AFAP1L2: variants seen among roughly 807,000 people sequenced by gnomAD.
AFAP1L2 encodes the protein actin filament-associated protein 1-like 2.
Under a neutral mutation model 99.3 loss-of-function variants are expected in AFAP1L2, and 46 were observed. The observed-to-expected ratio is 0.46, with a 90% CI of 0.37 to 0.59. AFAP1L2 has a LOEUF of 0.59. Ranked by LOEUF, AFAP1L2 falls within the 20% of genes least tolerant of loss-of-function variation. The pLI is 0.00. For missense variants in AFAP1L2, 959 were observed against 1,034.9 expected, an observed-to-expected ratio of 0.93 and a Z score of 1.01; for synonymous variants, 397 against 419.1, an observed-to-expected ratio of 0.95 and a Z score of 0.64.
chr10:114,383,423 T>C (rs2055998685), intron 1 of AFAP1L2, among the ~76,000 whole-genome samples: 1 of 152,084 alleles, frequency 6.6e-6, no homozygotes, highest in Non-Finnish European at 1.5e-5. Context: ...GGAGCTTTTT[T>C]ATTATCGCAG....
intron 1 of AFAP1L2, among the ~76,000 whole-genome samples, chr10:114,381,764 CT>C (rs2055646919): frequency 6.6e-6 from 1 of 151,946 alleles, no homozygotes; most frequent in Admixed American, 6.6e-5. Context: ...ATCTTTGCAA[CT>C]CATACTTAAA....
intron 4 of AFAP1L2, among the ~76,000 whole-genome samples, chr10:114,327,772 T>C (rs1423954074): frequency 6.6e-6 from 1 of 152,170 alleles, no homozygotes; most frequent in Non-Finnish European, 1.5e-5. Context: ...GCCAGTGAGC[T>C]ACAGTTTGCC....
chr10:114,367,855 CAG>C (rs2053516173), intron 1 of AFAP1L2, among the ~76,000 whole-genome samples: 1 of 152,204 alleles, frequency 6.6e-6, no homozygotes, highest in Non-Finnish European at 1.5e-5. Flanking sequence ...TTAATACAAA[CAG>C]AAAGTTTGCT....
chr10:114,299,618 T>G (rs2040796891), intron 15 of AFAP1L2, among the ~76,000 whole-genome samples: 3 of 152,240 alleles, frequency 2.0e-5, no homozygotes, highest in Admixed American at 1.3e-4. Context: ...ATATTGAATG[T>G]CAACTTGATT....
At chr10:114,307,274 C>T (rs1422848510) in intron 10 of AFAP1L2, among the ~76,000 whole-genome samples, 4 of 152,062 alleles carry the variant, frequency 2.6e-5, no homozygotes, top group South Asian at 2.1e-4. Flanking sequence ...TGTCCACAAG[C>T]ACCATTCCAG....
chr10:114,368,225 T>G (rs1476158037), intron 1 of AFAP1L2, among the ~76,000 whole-genome samples: 3 of 152,152 alleles, frequency 2.0e-5, no homozygotes, highest in African/African-American at 4.8e-5. Flanking sequence ...ATCTGACTCA[T>G]ATACAGAATC....
intron 6 of AFAP1L2, 79 bp downstream of exon 6, chr10:114,315,481 A>G: frequency 6.7e-7 from 1 of 1,494,750 alleles, no homozygotes; most frequent in Non-Finnish European, 9.2e-7. Context: ...GTCAGGGACC[A>G]TCCTGTCCCT....
chr10:114,391,506 C>T (rs980827568), intron 1 of AFAP1L2, among the ~76,000 whole-genome samples: 5 of 152,212 alleles, frequency 3.3e-5, no homozygotes, highest in Non-Finnish European at 5.9e-5. Flanking sequence ...AGGCATGAGC[C>T]ACTGGGCCCA....
At chr10:114,288,928 G>T in the AFAP1L2 span, 2 of 1,591,224 alleles carry the variant, frequency 1.3e-6, no homozygotes, top group Non-Finnish European at 1.7e-6. Flanking sequence ...CCCTCTGCTT[G>T]CTCCTGCAGG....
At position 114,333,654 on chromosome 10, in the gene AFAP1L2, C is replaced by T. The variant is rs551318557; in HGVS notation, c.146-359G>A. Among the ~76,000 whole-genome samples, 13 of 152,148 alleles carry T rather than the reference C, an allele frequency of 8.5e-5. No homozygotes were observed. In the South Asian group the frequency reaches 2.5e-3, roughly 29 times the overall value. On this transcript the variant is annotated intron_variant, in intron 2 of 18. Coordinates refer to ENST00000304129, the MANE Select transcript of AFAP1L2 (RefSeq NM_001001936.3). ...CCAACATGGTGAAACCCTGTCTCTA[C>T]TAAAAATACAAAAGTTAGCCAGGCA...
the AFAP1L2 span, among the ~76,000 whole-genome samples, chr10:114,286,808 C>G: frequency 5.3e-5 from 8 of 152,280 alleles, no homozygotes; most frequent in Admixed American, 4.6e-4. Context: ...CATTCTTAAT[C>G]ACGATTTTAT....
At position 114,342,542 on chromosome 10, in the gene AFAP1L2, G is replaced by T. The variant is rs143765802; in HGVS notation, c.17-1811C>A. 3.6e-3 allele frequency among the ~76,000 whole-genome samples: 545 copies of T among 152,310 alleles called. 6 individuals are homozygous for T. The highest frequency in any genetic ancestry group is 0.011 in the African/African-American group (477 of 41,562). ...GGAGATTATCCTGGTTTGTGCAGGT[G>T]AGCACAGTGTAATCACAGTGGCTCT... On this transcript the variant is annotated intron_variant, in intron 1 of 18. Transcript: ENST00000304129.
chr10:114,361,688 T>C (rs770028578), intron 1 of AFAP1L2, among the ~76,000 whole-genome samples: 15 of 152,204 alleles, frequency 9.9e-5, no homozygotes, highest in Admixed American at 2.6e-4. Flanking sequence ...AGCTACATCG[T>C]TGTGCTTCCC....
chr10:114,281,965 G>T, the AFAP1L2 span, among the ~76,000 whole-genome samples: 1 of 151,306 alleles, frequency 6.6e-6, no homozygotes, highest in East Asian at 1.9e-4. Context: ...ACAGTTTGGG[G>T]TTTTGCATGT....
chr10:114,389,144 C>T (rs2056847562), intron 1 of AFAP1L2, among the ~76,000 whole-genome samples: 2 of 152,200 alleles, frequency 1.3e-5, no homozygotes, highest in Admixed American at 6.5e-5. Context: ...CCCACACTTG[C>T]GAGACCCCAG....
At chr10:114,398,298 G>A (rs1287756520) in intron 1 of AFAP1L2, among the ~76,000 whole-genome samples, 1 of 152,220 alleles carries the variant, frequency 6.6e-6, no homozygotes, top group Non-Finnish European at 1.5e-5. Flanking sequence ...CATAACAAAT[G>A]AGCAGTTCGT....
intron 1 of AFAP1L2, among the ~76,000 whole-genome samples, chr10:114,349,201 A>C (rs1268772969): frequency 1.3e-5 from 2 of 151,912 alleles, no homozygotes. Flanking sequence ...AACATGGCAA[A>C]ACCCCGCCTC....
intron 4 of AFAP1L2, 21 bp downstream of exon 4, chr10:114,331,782 G>C: frequency 7.5e-7 from 1 of 1,332,994 alleles, no homozygotes; most frequent in Non-Finnish European, 9.7e-7. Flanking sequence ...GGGAAATCAG[G>C]GGTCCTGAAC....
At chr10:114,343,244 C>T (rs2049054874) in intron 1 of AFAP1L2, among the ~76,000 whole-genome samples, 1 of 152,216 alleles carries the variant, frequency 6.6e-6, no homozygotes, top group Non-Finnish European at 1.5e-5. Context: ...ATGAAACCAA[C>T]TCCTAGGGTT....
Sources: allele counts gnomAD v4.1 joint callset (sites outside exome capture counted in the v4.1 genomes callset), GRCh38; gene constraint gnomAD v4.1.1; transcripts MANE v1.5; gene names NCBI Gene and HGNC (gene_info 2026-07-23, HGNC 2026-07-21).